The following LAIR1 variants were observed in gnomAD, a reference collection of about 807,000 sequenced individuals.
LAIR1 encodes leukocyte-associated immunoglobulin-like receptor 1.
Under a neutral mutation model 32.8 loss-of-function variants are expected in LAIR1, and 24 were observed. That is an observed-to-expected ratio of 0.73 (90% CI 0.53 to 1.03). The LOEUF (loss-of-function observed/expected upper bound fraction) is 1.03. Ranked by LOEUF, LAIR1 falls within the 50% of genes least tolerant of loss-of-function variation. The pLI is 0.00. For synonymous variants in LAIR1, 150 were observed against 140.5 expected (o/e 1.07, Z -0.48); for missense variants, 355 against 347.5 (o/e 1.02, Z -0.17).
chr19:54,371,601 G>A (rs183208059), upstream of LAIR1, among the ~76,000 whole-genome samples: 35 of 151,648 alleles, frequency 2.3e-4, no homozygotes, highest in Admixed American at 1.2e-3. Context: ...GCCCAGCCTC[G>A]TTTTTAATTT....
At chr19:54,373,304 C>T (rs573664233), upstream of LAIR1, among the ~76,000 whole-genome samples, 40 of 151,396 alleles carry the variant, frequency 2.6e-4, no homozygotes, top group South Asian at 2.7e-3. Flanking sequence ...GTTAGCTGGG[C>T]GTGGTGGCGG....
the LAIR1 span, among the ~76,000 whole-genome samples, chr19:54,375,940 G>A: frequency 1.2e-4 from 18 of 151,792 alleles, no homozygotes; most frequent in Non-Finnish European, 2.5e-4. Context: ...ACTTCTCACT[G>A]GGTGACACGT....
upstream of LAIR1, among the ~76,000 whole-genome samples, chr19:54,370,957 T>C (rs1478065897): frequency 6.6e-6 from 1 of 150,712 alleles, no homozygotes; most frequent in Non-Finnish European, 1.5e-5. Context: ...GGTTGTTTTT[T>C]GTTTTTCTTT....
rs1221001459 is a variant in LAIR1, at chr19:54,356,956, C to G, written c.426G>C (p.Gln142His). 13 of 1,613,822 alleles carry G rather than the reference C, an allele frequency of 8.1e-6. No homozygotes were observed. Among genetic ancestry groups the G allele is most frequent in the Non-Finnish European group, 1.1e-5 (13 of 1,179,952 alleles). ...TEPGSSAGPTQRPSDNSHNEH... is the reference protein window; with the variant it reads ...TEPGSSAGPTHRPSDNSHNEH... Reference sequence around the variant, plus strand: ...CATTGTGACTGTTGTCCGACGGCCTCTGCGTGGGTCCTGGGAGGGAGGAAT... The same window carrying G: ...CATTGTGACTGTTGTCCGACGGCCTGTGCGTGGGTCCTGGGAGGGAGGAAT... The change falls in exon 5 of 10, where the codon CAG becomes CAC. Residue 142 changes from glutamine (Q) to histidine (H), a missense_variant. Transcript: ENST00000391742.
intron 8 of LAIR1, 101 bp downstream of exon 8, chr19:54,356,129 T>A: frequency 7.3e-7 from 1 of 1,363,698 alleles, no homozygotes; most frequent in South Asian, 1.2e-5. Context: ...CCTTCTAGAA[T>A]GTTCCCAAAG....
rs758156418 is a variant in LAIR1 at position 54,361,020 on chromosome 19, C to A, written c.260G>T (p.Arg87Leu). The change falls in exon 3 of 10, where the codon CGC becomes CTC. Residue 87 changes from arginine to leucine, a missense_variant. Transcript: ENST00000391742. ...ATTTCCTTCTCTTACTGAGTCAATG[C>A]GGAATCTGGCCTCTGACTCAGATGG... ...ASPSESEARF[R>L]IDSVREGNAG... 1.7e-5 allele frequency: 27 copies of A among 1,614,020 alleles called. No homozygotes were observed. Among genetic ancestry groups the A allele is most frequent in the South Asian group, 3.3e-5 (3 of 91,078 alleles).
chr19:54,372,934 C>T (rs1314196302), upstream of LAIR1, among the ~76,000 whole-genome samples: 1 of 151,218 alleles, frequency 6.6e-6, no homozygotes, highest in Non-Finnish European at 1.5e-5. Flanking sequence ...AGTTCGAGTC[C>T]AGCCTGGCCA....
upstream of LAIR1, among the ~76,000 whole-genome samples, chr19:54,367,268 C>T (rs142747418): frequency 2.9e-3 from 438 of 152,310 alleles, 2 homozygotes; most frequent in Admixed American, 7.2e-3. Flanking sequence ...GTAATGATCA[C>T]AAACTTGGAT....
At position 54,357,829 on chromosome 19, in the gene LAIR1, C is replaced by G. The variant is rs369100994; in HGVS notation, c.416-863G>C. 3.5e-4 allele frequency among the ~76,000 whole-genome samples: 53 copies of G among 151,980 alleles called. No homozygotes were observed. In the South Asian group the frequency reaches 9.5e-3, roughly 27 times the overall value. On this transcript the variant is annotated intron_variant, in intron 4 of 9. Transcript: ENST00000391742. ...ATTCTCTCTTGGAATGTCCTTCCCT[C>G]CTGCCTCGTCCACGGTCTAAGGTCC... is the stretch of plus-strand genomic sequence containing the variant.
upstream of LAIR1, among the ~76,000 whole-genome samples, chr19:54,374,977 T>A (rs1355284581): frequency 6.6e-6 from 1 of 152,024 alleles, no homozygotes; most frequent in Non-Finnish European, 1.5e-5. Flanking sequence ...ACCCTCACCA[T>A]TACCGGAAAG....
chr19:54,356,921 C>T lies in LAIR1; in HGVS notation c.454+7G>A. 1 of 1,613,938 alleles carries T rather than the reference C, an allele frequency of 6.2e-7. No homozygotes were observed. Among genetic ancestry groups the T allele is most frequent in the Non-Finnish European group, 8.5e-7 (1 of 1,179,934 alleles). Reference sequence around the variant, plus strand: ...CAGCTTCATGCTCCACGGCCCCCATCACTCACGCTCATTGTGACTGTTGTC... The same window carrying T: ...CAGCTTCATGCTCCACGGCCCCCATTACTCACGCTCATTGTGACTGTTGTC... On this transcript the variant is annotated splice_region_variant and intron_variant, in intron 5 of 9. Coordinates refer to ENST00000391742, the MANE Select transcript of LAIR1 (RefSeq NM_002287.6).
intron 4 of LAIR1, among the ~76,000 whole-genome samples, chr19:54,359,198 C>G (rs567428813): frequency 1.3e-5 from 2 of 150,772 alleles, no homozygotes; most frequent in East Asian, 3.9e-4. Context: ...GTCACCGGGT[C>G]TAGGTCCAAG....
At chr19:54,372,153 A>G (rs1423453869), upstream of LAIR1, among the ~76,000 whole-genome samples, 2 of 151,682 alleles carry the variant, frequency 1.3e-5, no homozygotes, top group African/African-American at 4.9e-5. Flanking sequence ...AAGGAATGCA[A>G]TTGCTGGATT....
rs538298856 is a variant in LAIR1 at position 54,364,456 on chromosome 19, C to T, written c.35-126G>A. Reference sequence around the variant, plus strand: ...TCATAACGACCAAGCCAACCCTCCTCGACATCACTGTCTCCATGTAATCCT... The same window carrying T: ...TCATAACGACCAAGCCAACCCTCCTTGACATCACTGTCTCCATGTAATCCT... On this transcript the variant is annotated intron_variant, in intron 1 of 9. Coordinates refer to ENST00000391742, the MANE Select transcript of LAIR1 (RefSeq NM_002287.6). The surrounding 1 kb of genome is among the most constrained non-coding windows in gnomAD (Gnocchi z 4.8). 269 of 892,004 alleles carry T rather than the reference C, an allele frequency of 3.0e-4. No individual in the cohort carries two copies. Among genetic ancestry groups the T allele is most frequent in the East Asian group, 8.3e-4 (32 of 38,388 alleles). 55.3% of individuals were successfully genotyped at this position (892,004 alleles called of 1,614,324 possible).
At position 54,354,310 on chromosome 19, in the gene LAIR1, C is replaced by T. The variant is rs141469313; in HGVS notation, c.*958G>A. 2.0e-4 allele frequency: 30 copies of T among 152,260 alleles called. No individual in the cohort carries two copies. Among genetic ancestry groups the T allele is most frequent in the African/African-American group, 6.5e-4 (27 of 41,540 alleles). 9.4% of individuals were successfully genotyped at this position (152,260 alleles called of 1,614,324 possible). A position where few individuals can be genotyped will look rare whatever the true frequency, so the allele number is the denominator to read the frequency against. ...ATGTGCAGATGTGGACCTGTAGGGT[C>T]GGCTCTCTGCCTTCACCCAGCCACA... On this transcript the variant is annotated 3_prime_UTR_variant, in exon 10 of 10. Transcript: ENST00000391742.
rs1601322364 is a variant in LAIR1, at chr19:54,364,001, C to A, written c.70+294G>T. ...GATATGTTAATCAGCTTTATTTAAT[C>A]TTTCCACAATGTGTACATACGTCAT... On this transcript the variant is annotated intron_variant, in intron 2 of 9. Coordinates refer to ENST00000391742, the MANE Select transcript of LAIR1 (RefSeq NM_002287.6). The surrounding 1 kb of genome is among the most constrained non-coding windows in gnomAD (Gnocchi z 4.8). 1.3e-5 allele frequency among the ~76,000 whole-genome samples: 2 copies of A among 152,284 alleles called. No individual in the cohort carries two copies. The highest frequency in any genetic ancestry group is 1.9e-4 in the East Asian group (1 of 5,194).
In LAIR1 at chr19:54,364,346, C is replaced by A. The variant is rs1467700760; in HGVS notation, c.35-16G>T. On this transcript the variant is annotated splice_polypyrimidine_tract_variant and intron_variant, in intron 1 of 9. Transcript: ENST00000391742. The surrounding 1 kb of genome is among the most constrained non-coding windows in gnomAD (Gnocchi z 4.8). ...AGGCAGAGCACTGGAAGAGAAGCCCCAGTGAGAAAAATGCCCAGTGCCCAG... is the reference window on the plus strand; with the variant it reads ...AGGCAGAGCACTGGAAGAGAAGCCCAAGTGAGAAAAATGCCCAGTGCCCAG... The A allele has an allele frequency of 6.2e-7, 1 of 1,613,754 alleles. No homozygotes were observed. Among genetic ancestry groups the A allele is most frequent in the Non-Finnish European group, 8.5e-7 (1 of 1,179,874 alleles).
Position 54,364,628 on chromosome 19 carries a change from C to T in LAIR1, c.34+143G>A, listed in dbSNP as rs2082177857. ...AGATCTTCTCTGATCAGACTTAGGCCCCAGGGAGAGCAGCAGGGCAGTCTT... is the reference window on the plus strand; with the variant it reads ...AGATCTTCTCTGATCAGACTTAGGCTCCAGGGAGAGCAGCAGGGCAGTCTT... On this transcript the variant is annotated intron_variant, in intron 1 of 9. Coordinates refer to ENST00000391742, the MANE Select transcript of LAIR1 (RefSeq NM_002287.6). The surrounding 1 kb of genome is among the most constrained non-coding windows in gnomAD (Gnocchi z 4.8). 3 of 876,766 alleles carry T rather than the reference C, an allele frequency of 3.4e-6. No homozygotes were observed. Among genetic ancestry groups the T allele is most frequent in the East Asian group, 2.4e-5 (1 of 41,460 alleles). The allele number at this position is 876,766 out of a possible 1,614,324, so 54.3% of individuals were successfully genotyped here. A position where few individuals can be genotyped will look rare whatever the true frequency, so the allele number is the denominator to read the frequency against.
chr19:54,359,529 CG>C (rs1271533385), intron 4 of LAIR1, among the ~76,000 whole-genome samples: 1 of 151,950 alleles, frequency 6.6e-6, no homozygotes, highest in East Asian at 2.0e-4. Context: ...CGTCCCTCTC[CG>C]GGTGTCCCAG....
Sources: allele counts gnomAD v4.1 joint callset (sites outside exome capture counted in the v4.1 genomes callset), GRCh38; gene constraint gnomAD v4.1.1; non-coding constraint Gnocchi (gnomAD v3.1); transcripts MANE v1.5; gene names NCBI Gene and HGNC (gene_info 2026-07-23, HGNC 2026-07-21).